The following THBS4 variants were observed in gnomAD, a reference collection of about 807,000 sequenced individuals.
THBS4 encodes the protein thrombospondin 4.
THBS4 carries 90 observed loss-of-function variants against 115.7 expected under a neutral mutation model. The ratio of observed to expected loss-of-function variants is 0.78; its 90% confidence interval spans 0.66 to 0.93. THBS4 has a LOEUF of 0.93. THBS4 is among the 40% of genes least tolerant of loss of function. The pLI is 0.00. For synonymous variants in THBS4, 460 were observed against 479.3 expected, an observed-to-expected ratio of 0.96 and a Z score of 0.53; for missense variants, 1,087 against 1,232.7, an observed-to-expected ratio of 0.88 and a Z score of 1.77.
In THBS4 at chr5:80,082,839, T is replaced by TAATC. The variant is rs536655044; in HGVS notation, c.2825-239_2825-236dup. Among the ~76,000 whole-genome samples the TAATC allele has an allele frequency of 5.1e-3, 773 of 152,382 alleles. 4 individuals carry two copies. Among genetic ancestry groups the TAATC allele is most frequent in the African/African-American group, 0.018 (736 of 41,586 alleles). On this transcript the variant is annotated intron_variant, in intron 21 of 21. Transcript: ENST00000350881. ...CCTTTATTTTCATGTGGTTAAAACA[T>TAATC]AATCACAGATGCAAAATCCATTCTG... is the stretch of plus-strand genomic sequence containing the variant.
intron 2 of THBS4, among the ~76,000 whole-genome samples, chr5:80,048,631 G>GGTGTGTGT (rs1833150249): frequency 1.1e-5 from 1 of 87,148 alleles, no homozygotes; most frequent in African/African-American, 4.7e-5. Flanking sequence ...TCACTAGATA[G>GGTGTGTGT]ATGTGTGTGT....
At chr5:80,070,515 A>G in intron 11 of THBS4, 105 bp downstream of exon 11, 7 of 1,398,734 alleles carry the variant, frequency 5.0e-6, no homozygotes, top group Non-Finnish European at 7.1e-6. Flanking sequence ...TTGTACTTGT[A>G]AAGTAGCTGC....
intron 1 of THBS4, among the ~76,000 whole-genome samples, chr5:80,036,543 T>C (rs1832725496): frequency 1.3e-5 from 2 of 152,210 alleles, no homozygotes; most frequent in Non-Finnish European, 2.9e-5. Context: ...AATTGATCTT[T>C]TTCTATGAAA....
intron 8 of THBS4, among the ~76,000 whole-genome samples, chr5:80,064,746 A>C (rs997004367): frequency 1.2e-4 from 19 of 152,342 alleles, no homozygotes; most frequent in African/African-American, 3.6e-4. Flanking sequence ...ACAACAACAA[A>C]AAAATATAGG....
rs1017733609 is a variant in THBS4 at position 79,997,282 on chromosome 5, C to T, written n.82-1050C>T. ...AAAACCTAAGCTAAATGTATGCTGT[C>T]CCTCAGAAACTTCCTTCAAACATGA... is the stretch of plus-strand genomic sequence containing the variant. On this transcript the variant is annotated intron_variant and non_coding_transcript_variant, in intron 1 of 3. Transcript: ENST00000510218. 1.8e-4 allele frequency among the ~76,000 whole-genome samples: 27 copies of T among 151,968 alleles called. 1 individual carries two copies. Among genetic ancestry groups the T allele is most frequent in the African/African-American group, 5.1e-4 (21 of 41,370 alleles).
chr5:80,002,452 C>T (rs1831919956), intron 2 of THBS4, among the ~76,000 whole-genome samples: 1 of 152,022 alleles, frequency 6.6e-6, no homozygotes, highest in South Asian at 2.1e-4. Flanking sequence ...AACAGGAGAC[C>T]AAAGACCTTT....
chr5:79,999,853 G>A (rs1472176378), intron 2 of THBS4, among the ~76,000 whole-genome samples: 2 of 152,160 alleles, frequency 1.3e-5, no homozygotes, highest in Non-Finnish European at 2.9e-5. Context: ...TCACATCAGT[G>A]CTTTAAATGC....
intron 2 of THBS4, among the ~76,000 whole-genome samples, chr5:80,007,947 A>G (rs764889578): frequency 2.0e-5 from 3 of 152,246 alleles, no homozygotes; most frequent in Middle Eastern, 3.2e-3. Context: ...AGAAAAGAGA[A>G]TGAAAGACCC....
Position 80,077,297 on chromosome 5 carries a change from A to G in THBS4, c.2086+249A>G, listed in dbSNP as rs1456527313. On this transcript the variant is annotated intron_variant, in intron 16 of 21. Transcript: ENST00000350881. ...GAACAACCCTAGGATGCCATCACAC[A>G]GGTCAGGGAAGCAGCCACACACTGT... 3.9e-5 allele frequency among the ~76,000 whole-genome samples: 6 copies of G among 152,318 alleles called. No individual in the cohort carries two copies. The South Asian group carries it at 1.0e-3, about 26-fold the overall frequency.
At chr5:80,032,495 A>G (rs1832605156), upstream of THBS4, among the ~76,000 whole-genome samples, 1 of 152,210 alleles carries the variant, frequency 6.6e-6, no homozygotes, top group Non-Finnish European at 1.5e-5. Context: ...AAGTCCCACA[A>G]TAGGCCGTCT....
intron 2 of THBS4, among the ~76,000 whole-genome samples, chr5:80,014,934 C>T (rs918904387): frequency 6.6e-6 from 1 of 152,240 alleles, no homozygotes; most frequent in East Asian, 1.9e-4. Context: ...CACTCAATAA[C>T]TGACGTCTTT....
At chr5:80,074,238 T>C (rs1303226023) in intron 15 of THBS4, 1 of 152,232 alleles carries the variant, frequency 6.6e-6, no homozygotes, top group African/African-American at 2.4e-5. Flanking sequence ...CCTTGAAATT[T>C]TTTTAATTCA....
chr5:80,041,173 AG>A (rs1475655399), intron 2 of THBS4, among the ~76,000 whole-genome samples: 1 of 152,154 alleles, frequency 6.6e-6, no homozygotes, highest in East Asian at 1.9e-4. Context: ...GCTCCTTGTA[AG>A]GGCCCAGTTC....
At chr5:80,081,406 A>G (rs371841163) in intron 20 of THBS4, among the ~76,000 whole-genome samples, 3 of 152,344 alleles carry the variant, frequency 2.0e-5, no homozygotes, top group Admixed American at 6.5e-5. Flanking sequence ...TAGAAAATCA[A>G]TGTGAGCCCT....
intron 2 of THBS4, chr5:80,020,057 C>A (rs1258833977): frequency 6.5e-6 from 1 of 153,206 alleles, no homozygotes; most frequent in Non-Finnish European, 1.5e-5. Context: ...CTCGCAGCCA[C>A]ATTGTATTCT....
In THBS4 at chr5:80,022,009, C is replaced by T. The variant is rs1832387835; in HGVS notation, n.178-18068C>T. ...TTTGGGAGGAGGGTTTATGTCTAAGCTACCCTACACTGAGGGTGCGACTCC... is the reference window on the plus strand; with the variant it reads ...TTTGGGAGGAGGGTTTATGTCTAAGTTACCCTACACTGAGGGTGCGACTCC... On this transcript the variant is annotated intron_variant and non_coding_transcript_variant, in intron 2 of 3. Coordinates refer to the THBS4 transcript ENST00000510218. Among the ~76,000 whole-genome samples the T allele has an allele frequency of 2.6e-5, 4 of 152,168 alleles. No individual in the cohort carries two copies. In the South Asian group the frequency reaches 8.3e-4, roughly 32 times the overall value.
chr5:80,017,891 G>A (rs753800593), intron 2 of THBS4, among the ~76,000 whole-genome samples: 20 of 151,736 alleles, frequency 1.3e-4, no homozygotes, highest in South Asian at 8.3e-4. Flanking sequence ...TCTTTGACAC[G>A]TTGAAAATGA....
At chr5:80,050,944 G>C (rs552511725) in intron 2 of THBS4, among the ~76,000 whole-genome samples, 2 of 152,222 alleles carry the variant, frequency 1.3e-5, no homozygotes, top group Non-Finnish European at 2.9e-5. Context: ...TGGCCAGGCA[G>C]AGGTGTGGTC....
chr5:79,992,698 C>G (rs774611171), intron 1 of THBS4, among the ~76,000 whole-genome samples: 1 of 152,084 alleles, frequency 6.6e-6, no homozygotes, highest in Non-Finnish European at 1.5e-5. Context: ...ATTCTGTCCT[C>G]GGGAGTTTAC....
Sources: gnomAD v4.1 joint callset for allele counts (sites outside exome capture counted in the v4.1 genomes callset) on GRCh38, gnomAD v4.1.1 for gene constraint, MANE v1.5 for transcripts, NCBI Gene and HGNC (gene_info 2026-07-23, HGNC 2026-07-21) for gene names.